The following FAM167A variants were observed in gnomAD, a reference collection of about 807,000 sequenced individuals.
FAM167A encodes the protein protein FAM167A.
FAM167A carries 23 observed loss-of-function variants against 14.9 expected under a neutral mutation model. The ratio of observed to expected loss-of-function variants is 1.55; its 90% confidence interval spans 1.11 to 2.19. The LOEUF (loss-of-function observed/expected upper bound fraction) is 2.19, where lower values mean the gene tolerates loss of function less well. FAM167A is among the 30% of genes most tolerant of loss of function. The pLI, the probability that FAM167A is intolerant of heterozygous loss-of-function variation, is 0.00. For missense variants in FAM167A, 401 were observed against 281.5 expected (o/e 1.42, Z -3.04); for synonymous variants, 174 against 117.7 (o/e 1.48, Z -3.10).
intron 2 of FAM167A, among the ~76,000 whole-genome samples, chr8:11,435,374 G>A (rs944277532): frequency 2.0e-5 from 3 of 152,226 alleles, no homozygotes; most frequent in Non-Finnish European, 2.9e-5. Context: ...CATGTGTCTA[G>A]ATGACAAAAC....
chr8:11,449,084 A>G (rs1806914164), intron 1 of FAM167A, among the ~76,000 whole-genome samples: 1 of 152,200 alleles, frequency 6.6e-6, no homozygotes, highest in Admixed American at 6.5e-5. Flanking sequence ...CCAGATGGTG[A>G]GGAGCTGCTG....
chr8:11,436,578 C>G (rs936228818), intron 2 of FAM167A, among the ~76,000 whole-genome samples: 2 of 152,212 alleles, frequency 1.3e-5, no homozygotes, highest in African/African-American at 4.8e-5. Flanking sequence ...CTCCCCTGCA[C>G]GGCCTTCTCA....
rs747160964 is a variant in FAM167A, at chr8:11,424,120, A to G, written c.*253T>C. 6.4e-5 allele frequency: 32 copies of G among 496,410 alleles called. No individual in the cohort carries two copies. Among genetic ancestry groups the G allele is most frequent in the East Asian group, 1.0e-4 (3 of 29,450 alleles). 30.8% of individuals were successfully genotyped at this position (496,410 alleles called of 1,614,324 possible). Reference sequence around the variant, plus strand: ...GGTGGGAACCCAGGTCTCCTTTAACATCTTGGTTGGAGCGGCCCTTCTGCA... The same window carrying G: ...GGTGGGAACCCAGGTCTCCTTTAACGTCTTGGTTGGAGCGGCCCTTCTGCA... On this transcript the variant is annotated 3_prime_UTR_variant, in exon 3 of 3. Transcript: ENST00000284486.
chr8:11,454,661 A>C (rs777541310), intron 1 of FAM167A, among the ~76,000 whole-genome samples: 3 of 152,222 alleles, frequency 2.0e-5, no homozygotes, highest in Non-Finnish European at 4.4e-5. Flanking sequence ...TGAAAAGGCA[A>C]ATCCCTTTGT....
chr8:11,436,183 C>T (rs912440236), intron 2 of FAM167A, among the ~76,000 whole-genome samples: 5 of 152,200 alleles, frequency 3.3e-5, no homozygotes, highest in African/African-American at 9.6e-5. Context: ...GTGTTGCCAA[C>T]GTCAAAGGGC....
At position 11,422,380 on chromosome 8, in the gene FAM167A, G is replaced by C. The variant is rs1207449778; in HGVS notation, c.*1993C>G. The C allele has an allele frequency of 8.5e-6, 1 of 118,174 alleles. No individual in the cohort carries two copies. Among genetic ancestry groups the C allele is most frequent in the East Asian group, 1.9e-4 (1 of 5,164 alleles). The allele number at this position is 118,174 out of a possible 1,614,324, so 7.3% of individuals were successfully genotyped here. A position where few individuals can be genotyped will look rare whatever the true frequency, so the allele number is the denominator to read the frequency against. ...CGTGTGTGTGTGTGTGGGGGTGTGT[G>C]TGTGTGTGTGTGTGTGTGTGTGTGT... is the stretch of plus-strand genomic sequence containing the variant. On this transcript the variant is annotated 3_prime_UTR_variant, in exon 3 of 3. Coordinates refer to ENST00000284486, the MANE Select transcript of FAM167A (RefSeq NM_053279.3).
intron 2 of FAM167A, chr8:11,434,083 T>A (rs1198019233): frequency 1.3e-5 from 2 of 152,216 alleles, no homozygotes. Context: ...GAAGGGCAAC[T>A]GGAGGTTCCG....
chr8:11,454,371 T>C (rs1807147411), intron 1 of FAM167A, among the ~76,000 whole-genome samples: 1 of 152,220 alleles, frequency 6.6e-6, no homozygotes, highest in African/African-American at 2.4e-5. Context: ...TCAACACCTG[T>C]CTGGTGCAGG....
At chr8:11,456,485 T>C (rs1807316099) in intron 1 of FAM167A, among the ~76,000 whole-genome samples, 2 of 90,364 alleles carry the variant, frequency 2.2e-5, no homozygotes, top group Admixed American at 1.4e-4. Context: ...TGGGGGGTGG[T>C]TGCCCTGATG....
chr8:11,458,032 C>G (rs529510008), intron 1 of FAM167A, among the ~76,000 whole-genome samples: 5 of 152,008 alleles, frequency 3.3e-5, no homozygotes, highest in Non-Finnish European at 7.3e-5. Flanking sequence ...GTGAAGTCAG[C>G]GAACAAAGTC....
At chr8:11,452,700 A>G (rs1283853683) in intron 1 of FAM167A, among the ~76,000 whole-genome samples, 1 of 152,174 alleles carries the variant, frequency 6.6e-6, no homozygotes, top group Non-Finnish European at 1.5e-5. Flanking sequence ...AACTTTTCTC[A>G]TGAAACCGAA....
At chr8:11,437,083 C>T (rs1806070505) in intron 2 of FAM167A, among the ~76,000 whole-genome samples, 1 of 152,206 alleles carries the variant, frequency 6.6e-6, no homozygotes, top group Non-Finnish European at 1.5e-5. Flanking sequence ...ACTCGGGTAC[C>T]TGTCTTCTTG....
chr8:11,466,327 C>G (rs1244103042), intron 1 of FAM167A, among the ~76,000 whole-genome samples: 1 of 152,248 alleles, frequency 6.6e-6, no homozygotes, highest in Non-Finnish European at 1.5e-5. Context: ...GACGGCAGAC[C>G]CCGAACCTCC....
intron 2 of FAM167A, among the ~76,000 whole-genome samples, chr8:11,428,354 G>A (rs1473427403): frequency 6.6e-6 from 1 of 152,260 alleles, no homozygotes; most frequent in Admixed American, 6.5e-5. Flanking sequence ...GCTAGAAAGA[G>A]GGCTGACAGT....
At chr8:11,447,676 G>A (rs1288546734) in intron 1 of FAM167A, among the ~76,000 whole-genome samples, 1 of 152,202 alleles carries the variant, frequency 6.6e-6, no homozygotes, top group Non-Finnish European at 1.5e-5. Flanking sequence ...CCAGCAGCTG[G>A]ACCTGGGCAC....
intron 2 of FAM167A, among the ~76,000 whole-genome samples, chr8:11,439,621 A>G (rs1203169044): frequency 1.3e-5 from 2 of 152,136 alleles, no homozygotes; most frequent in African/African-American, 2.4e-5. Flanking sequence ...GAGGGAGGAG[A>G]CTGCGGGAGG....
At chr8:11,448,972 A>T (rs1203493209) in intron 1 of FAM167A, among the ~76,000 whole-genome samples, 2 of 152,340 alleles carry the variant, frequency 1.3e-5, no homozygotes, top group East Asian at 3.9e-4. Context: ...TACCCACCTG[A>T]ATAGGCGTGT....
At position 11,450,658 on chromosome 8, in the gene FAM167A, G is replaced by C. The variant is rs139552541; in HGVS notation, c.-397-5850C>G. 1.8e-3 allele frequency among the ~76,000 whole-genome samples: 276 copies of C among 152,332 alleles called. 2 individuals are homozygous for C. The highest frequency in any genetic ancestry group is 6.4e-3 in the African/African-American group (264 of 41,570). On this transcript the variant is annotated intron_variant, in intron 1 of 2. Coordinates refer to ENST00000284486, the MANE Select transcript of FAM167A (RefSeq NM_053279.3). ...CAAGCCTTTTATGCTGGACCCTCCAGTACTTAGCACAATGCTGCTCTCTTT... is the reference window on the plus strand; with the variant it reads ...CAAGCCTTTTATGCTGGACCCTCCACTACTTAGCACAATGCTGCTCTCTTT...
At chr8:11,443,000 A>C (rs1012692944) in intron 2 of FAM167A, among the ~76,000 whole-genome samples, 1 of 152,142 alleles carries the variant, frequency 6.6e-6, no homozygotes, top group Admixed American at 6.5e-5. Flanking sequence ...TGCAAAACAA[A>C]CCAAGCAGGC....
Sources: allele counts gnomAD v4.1 joint callset (sites outside exome capture counted in the v4.1 genomes callset), GRCh38; gene constraint gnomAD v4.1.1; transcripts MANE v1.5; gene names NCBI Gene and HGNC (gene_info 2026-07-23, HGNC 2026-07-21).